RBFOX1: variants seen among roughly 807,000 people sequenced by gnomAD.
RBFOX1 encodes RNA binding protein fox-1 homolog 1.
A neutral mutation model predicts 57.7 loss-of-function variants in RBFOX1; 8 were observed. The ratio of observed to expected loss-of-function variants is 0.14; its 90% confidence interval spans 0.08 to 0.25. The LOEUF is 0.25. RBFOX1 is among the 10% of genes least tolerant of loss of function. RBFOX1 has a pLI of 1.00. For missense variants in RBFOX1, 611 were observed against 548.5 expected (o/e 1.11, Z -1.14); for synonymous variants, 326 against 222.4 (o/e 1.47, Z -4.15).
At chr16:6,027,860 C>G (rs531595223) in intron 1 of RBFOX1, among the ~76,000 whole-genome samples, 2 of 152,158 alleles carry the variant, frequency 1.3e-5, no homozygotes, top group Non-Finnish European at 2.9e-5. Context: ...TGCAAATGTA[C>G]GGTTGAGATC....
At chr16:7,339,605 T>C (rs1272330103) in intron 4 of RBFOX1, among the ~76,000 whole-genome samples, 1 of 152,040 alleles carries the variant, frequency 6.6e-6, no homozygotes, top group Non-Finnish European at 1.5e-5. Flanking sequence ...ACAACCAGCT[T>C]ATTTTTGTAT....
rs560649992 is a variant in RBFOX1 at position 5,946,096 on chromosome 16, C to G, written c.351+78761C>G. Among the ~76,000 whole-genome samples, 1 of 152,138 alleles carries G rather than the reference C, an allele frequency of 6.6e-6. No homozygotes were observed. The highest frequency in any genetic ancestry group is 1.5e-5 in the Non-Finnish European group (1 of 68,030). ...GTTTTAATTAGTGGACTGACTTACC[C>G]GCTATTCTTGTCTTTTTAAAAAAGA... On this transcript the variant is annotated intron_variant, in intron 4 of 19. Coordinates refer to the RBFOX1 transcript ENST00000641259. This position sits in a 1 kb window ranked among gnomAD's most constrained non-coding sequence, Gnocchi z 4.6.
At chr16:6,374,574 G>T (rs114397369) in intron 2 of RBFOX1, among the ~76,000 whole-genome samples, 56 of 152,260 alleles carry the variant, frequency 3.7e-4, no homozygotes, top group African/African-American at 1.3e-3. Context: ...GAAGACAAAT[G>T]CTGTGTAATG....
chr16:6,781,427 A>G (rs1239797649), intron 3 of RBFOX1, among the ~76,000 whole-genome samples: 2 of 152,076 alleles, frequency 1.3e-5, no homozygotes, highest in Non-Finnish European at 2.9e-5. Context: ...GCATTAGGAT[A>G]ATCCTGATCC....
intron 2 of RBFOX1, among the ~76,000 whole-genome samples, chr16:6,553,236 G>A (rs765226031): frequency 6.6e-6 from 1 of 152,130 alleles, no homozygotes. Context: ...AGGCAAGAAG[G>A]GTCATCACTA....
chr16:6,012,956 C>G (rs1290630732), intron 4 of RBFOX1, among the ~76,000 whole-genome samples: 8 of 152,180 alleles, frequency 5.3e-5, no homozygotes. Context: ...GTTCCTGAAG[C>G]AGTCATTTAC....
At chr16:5,816,815 T>C (rs892713473) in intron 3 of RBFOX1, among the ~76,000 whole-genome samples, 1 of 152,112 alleles carries the variant, frequency 6.6e-6, no homozygotes, top group African/African-American at 2.4e-5. Flanking sequence ...AGATCTAGGC[T>C]GAAAAAGATG....
chr16:7,474,433 G>A (rs1342342392), intron 4 of RBFOX1, among the ~76,000 whole-genome samples: 5 of 152,032 alleles, frequency 3.3e-5, no homozygotes, highest in African/African-American at 1.2e-4. Flanking sequence ...TGCTTCTAAT[G>A]TTTTACAATT....
At chr16:7,257,633 T>A (rs1280684174) in intron 4 of RBFOX1, among the ~76,000 whole-genome samples, 1 of 152,058 alleles carries the variant, frequency 6.6e-6, no homozygotes, top group Non-Finnish European at 1.5e-5. Context: ...TCTTCCAAAG[T>A]GAGATTGTAC....
At chr16:6,585,264 G>A (rs536618400) in intron 2 of RBFOX1, among the ~76,000 whole-genome samples, 8 of 152,064 alleles carry the variant, frequency 5.3e-5, no homozygotes, top group Non-Finnish European at 8.8e-5. Flanking sequence ...AACCTTTATC[G>A]TCATGTAGGT....
chr16:5,438,312 G>A (rs1302742244), intron 1 of RBFOX1, among the ~76,000 whole-genome samples: 1 of 152,174 alleles, frequency 6.6e-6, no homozygotes, highest in Admixed American at 6.5e-5. Context: ...GTCACAGGTA[G>A]GAAAGAGGGA....
chr16:5,486,353 G>A (rs1367908033), intron 2 of RBFOX1, among the ~76,000 whole-genome samples: 1 of 152,196 alleles, frequency 6.6e-6, no homozygotes, highest in African/African-American at 2.4e-5. Flanking sequence ...AGTTCAGCTT[G>A]GATGTCTTGC....
intron 3 of RBFOX1, among the ~76,000 whole-genome samples, chr16:6,955,574 A>G (rs1289358791): frequency 1.3e-5 from 2 of 152,142 alleles, no homozygotes; most frequent in Admixed American, 1.3e-4. Context: ...TCTTAGTGTA[A>G]TATTGGTTTT....
At chr16:5,312,960 G>A (rs892180777) in intron 1 of RBFOX1, among the ~76,000 whole-genome samples, 5 of 152,182 alleles carry the variant, frequency 3.3e-5, no homozygotes, top group Admixed American at 1.3e-4. Flanking sequence ...AGCAGTAGGC[G>A]CTTATTTGTT....
chr16:6,495,812 CCTT>C (rs1279063910), intron 2 of RBFOX1, among the ~76,000 whole-genome samples: 2 of 152,200 alleles, frequency 1.3e-5, no homozygotes, highest in Admixed American at 6.5e-5. Context: ...ACCCCTCACT[CCTT>C]CTTCCCACCT....
chr16:6,450,789 AC>A (rs2094582424), intron 2 of RBFOX1, among the ~76,000 whole-genome samples: 2 of 46,628 alleles, frequency 4.3e-5, no homozygotes, highest in Non-Finnish European at 7.2e-5. Context: ...ATATATATAT[AC>A]ATATATATAT....
intron 3 of RBFOX1, among the ~76,000 whole-genome samples, chr16:7,020,056 G>A (rs1488871044): frequency 1.3e-5 from 2 of 150,862 alleles, no homozygotes; most frequent in East Asian, 3.9e-4. Context: ...CAGCTTAGGT[G>A]AACCTTTCAT....
At chr16:5,269,805 G>A (rs886533249) in intron 1 of RBFOX1, among the ~76,000 whole-genome samples, 1 of 152,132 alleles carries the variant, frequency 6.6e-6, no homozygotes, top group Non-Finnish European at 1.5e-5. Context: ...AAATGTAAAA[G>A]ATGCAAAGAA....
At chr16:7,184,830 G>C (rs2083403292) in intron 4 of RBFOX1, among the ~76,000 whole-genome samples, 1 of 152,070 alleles carries the variant, frequency 6.6e-6, no homozygotes, top group Non-Finnish European at 1.5e-5. Context: ...GGAGATCCTT[G>C]CCCTTTAGGT....
Sources: gnomAD v4.1 joint callset for allele counts (sites outside exome capture counted in the v4.1 genomes callset) on GRCh38, gnomAD v4.1.1 for gene constraint, Gnocchi (gnomAD v3.1) non-coding constraint, MANE v1.5 for transcripts, NCBI Gene and HGNC (gene_info 2026-07-23, HGNC 2026-07-21) for gene names.